The following ADNP variants were observed in gnomAD, a reference collection of about 807,000 sequenced individuals.
ADNP encodes activity dependent neuroprotector homeobox, also known as activity-dependent neuroprotector homeobox protein.
A neutral mutation model predicts 84.9 loss-of-function variants in ADNP; 4 were observed. The observed-to-expected ratio is 0.05, with a 90% CI of 0.02 to 0.11. The LOEUF is 0.11. Ranked by LOEUF, ADNP falls within the 10% of genes least tolerant of loss-of-function variation. The probability of loss-of-function intolerance (pLI) is 1.00; values close to 1 mark genes in which losing one functional copy is unlikely to be tolerated. For synonymous variants in ADNP, 554 were observed against 468.1 expected (o/e 1.18, Z -2.37); for missense variants, 1,132 against 1,326.0 (o/e 0.85, Z 2.27).
chr20:50,898,470 C>T (rs960626355), intron 5 of ADNP, among the ~76,000 whole-genome samples: 1 of 152,200 alleles, frequency 6.6e-6, no homozygotes, highest in Non-Finnish European at 1.5e-5. Context: ...GATAAAGGCC[C>T]TTCTTGAATT....
intron 2 of ADNP, among the ~76,000 whole-genome samples, chr20:50,927,433 C>G (rs1285867273): frequency 6.6e-6 from 1 of 152,200 alleles, no homozygotes; most frequent in African/African-American, 2.4e-5. Flanking sequence ...AAAGGAATTT[C>G]TACTTAAAGT....
chr20:50,891,752 T>C lies in ADNP; in HGVS notation c.2962A>G (p.Thr988Ala). ...CAGGTTCCTGGTTTCATTTCGCAGG[T>C]ATTGTCCTCAAAGTCTGACACTTGT... is the stretch of plus-strand genomic sequence containing the variant. The part of the protein sequence containing the change: ...SQQVSDFEDN[T>A]CEMKPGTWSD... Residue 988 changes from threonine (T) to alanine (A), a missense_variant, in exon 6 of 6, where the codon ACC becomes GCC. Thr to Ala is a moderately conservative substitution (Grantham distance 58). This residue lies in a region of ADNP where 381 missense variants were observed against 319.9 expected (regional missense o/e 1.19). Transcript: ENST00000621696. The C allele has an allele frequency of 6.2e-7, 1 of 1,614,192 alleles. No homozygotes were observed. The highest frequency in any genetic ancestry group is 8.5e-7 in the Non-Finnish European group (1 of 1,180,036).
chr20:50,908,365 T>C (rs1982700709), intron 2 of ADNP, among the ~76,000 whole-genome samples: 1 of 152,150 alleles, frequency 6.6e-6, no homozygotes, highest in Non-Finnish European at 1.5e-5. Flanking sequence ...CCAAACTCTA[T>C]CAGTCAATCA....
intron 5 of ADNP, among the ~76,000 whole-genome samples, chr20:50,899,656 G>A (rs971899603): frequency 2.6e-5 from 4 of 151,944 alleles, no homozygotes; most frequent in African/African-American, 4.8e-5. Flanking sequence ...GGCTCCATGC[G>A]TGTTACTGCT....
intron 2 of ADNP, among the ~76,000 whole-genome samples, chr20:50,919,289 G>A (rs202227760): frequency 0.013 from 820 of 64,520 alleles, 26 homozygotes; most frequent in East Asian, 0.034. Flanking sequence ...ATATATTTAA[G>A]TGTATATATA....
intron 2 of ADNP, among the ~76,000 whole-genome samples, chr20:50,919,662 A>G (rs1382416440): frequency 6.6e-6 from 1 of 152,174 alleles, no homozygotes; most frequent in Non-Finnish European, 1.5e-5. Flanking sequence ...GTTCATTCTC[A>G]GCAGGGAGGG....
intron 2 of ADNP, among the ~76,000 whole-genome samples, chr20:50,924,115 A>G (rs1177962514): frequency 6.6e-6 from 1 of 152,222 alleles, no homozygotes; most frequent in African/African-American, 2.4e-5. Flanking sequence ...AGCATGAAGG[A>G]TTCAGAAAAA....
At chr20:50,924,388 T>G (rs16995626) in intron 2 of ADNP, among the ~76,000 whole-genome samples, 1 of 152,136 alleles carries the variant, frequency 6.6e-6, no homozygotes, top group Non-Finnish European at 1.5e-5. Flanking sequence ...TAAGCTCACA[T>G]GGAAGCATAA....
chr20:50,928,200 C>T (rs1984413164), intron 2 of ADNP, among the ~76,000 whole-genome samples: 1 of 152,166 alleles, frequency 6.6e-6, no homozygotes, highest in African/African-American at 2.4e-5. Context: ...CCATTCAGTT[C>T]TCCATAAACT....
At chr20:50,930,349 GC>G (rs889380404) in intron 1 of ADNP, among the ~76,000 whole-genome samples, 35 of 148,710 alleles carry the variant, frequency 2.4e-4, no homozygotes, top group African/African-American at 6.4e-4. Flanking sequence ...CATGCTCCCC[GC>G]CCCCCCCAAC....
intron 2 of ADNP, among the ~76,000 whole-genome samples, chr20:50,923,989 C>T (rs779468138): frequency 2.0e-5 from 3 of 152,148 alleles, no homozygotes; most frequent in African/African-American, 4.8e-5. Flanking sequence ...TTCCACTAGA[C>T]AGGAGTTTCT....
Position 50,893,863 on chromosome 20 carries a change from G to A in ADNP, c.851C>T (p.Pro284Leu), listed in dbSNP as rs1298845015. Residue 284 changes from proline to leucine, a missense_variant, in exon 6 of 6, where the codon CCA (proline) becomes CTA (leucine). Physicochemically the swap from Pro to Leu is moderately conservative, Grantham distance 98. Around this residue, in one of 10 missense-constraint regions of ADNP, gnomAD observed 239 missense variants for 213.2 expected, o/e 1.12. Coordinates refer to ENST00000621696, the MANE Select transcript of ADNP (RefSeq NM_001282531.3). This position sits in a 1 kb window ranked among gnomAD's most constrained non-coding sequence, Gnocchi z 4.4. ...AGAAGCAAGGGAACCGATCCTTGGTGGGAGTCCCATGCTCTTCTTGTCTTG... is the reference window on the plus strand; with the variant it reads ...AGAAGCAAGGGAACCGATCCTTGGTAGGAGTCCCATGCTCTTCTTGTCTTG... ...KPQDKKSMGL[P>L]PRIGSLASGN... 6.2e-7 allele frequency: 1 copy of A among 1,614,082 alleles called. No homozygotes were observed. Among genetic ancestry groups the A allele is most frequent in the Non-Finnish European group, 8.5e-7 (1 of 1,180,048 alleles).
At chr20:50,924,961 T>TC (rs1984189572) in intron 2 of ADNP, among the ~76,000 whole-genome samples, 1 of 152,212 alleles carries the variant, frequency 6.6e-6, no homozygotes, top group African/African-American at 2.4e-5. Context: ...GTCTATGCTT[T>TC]CCTCTTATTT....
chr20:50,909,836 G>A (rs994865229), intron 2 of ADNP: 4 of 152,184 alleles, frequency 2.6e-5, no homozygotes, highest in African/African-American at 7.2e-5. Flanking sequence ...CATGTCCCCC[G>A]AACAGGGATG....
chr20:50,894,411 A>G lies in ADNP; in HGVS notation c.303T>C (p.Phe101=), dbSNP rs779703477. 2 of 1,614,174 alleles carry G rather than the reference A, an allele frequency of 1.2e-6. No individual in the cohort carries two copies. The highest frequency in any genetic ancestry group is 1.7e-6 in the Non-Finnish European group (2 of 1,180,028). The change falls in exon 6 of 6, where the codon TTT becomes TTC. Residue 101 remains phenylalanine (F), a synonymous_variant. Coordinates refer to ENST00000621696, the MANE Select transcript of ADNP (RefSeq NM_001282531.3). ...GGCAATTAAGGAGAATCCTATTTTC[A>G]AAGTCTTCACTATGGACATTGCGGA... ...SHFRNVHSED[F]ENRILLNCPY... is the part of the protein sequence containing the mutation.
At chr20:50,910,241 G>A (rs145660660) in intron 2 of ADNP, among the ~76,000 whole-genome samples, 2 of 152,298 alleles carry the variant, frequency 1.3e-5, no homozygotes, top group Non-Finnish European at 2.9e-5. Flanking sequence ...AACACTATAT[G>A]AGAAGAGTTA....
chr20:50,908,036 C>A (rs1982659465), intron 2 of ADNP, among the ~76,000 whole-genome samples: 1 of 152,164 alleles, frequency 6.6e-6, no homozygotes, highest in African/African-American at 2.4e-5. Flanking sequence ...ACAAAGTGTG[C>A]CCTCCATGCA....
In ADNP at chr20:50,892,248, C is replaced by T. The variant is rs142832192; in HGVS notation, c.2466G>A (p.Val822=). The T allele has an allele frequency of 3.7e-6, 6 of 1,614,084 alleles. No homozygotes were observed. Among genetic ancestry groups the T allele is most frequent in the African/African-American group, 2.7e-5 (2 of 74,924 alleles). The change falls in exon 6 of 6, where the codon GTG becomes GTA. Residue 822 remains valine (V), a synonymous_variant. Transcript: ENST00000621696. ...ATTCTTTCATGTTAAACCCCAGCAA[C>T]ACGCCAGGCTTGTACTTTTCACAAT... ...VRDCEKYKPG[V]LLGFNMKELN... is the part of the protein sequence containing the mutation.
At chr20:50,903,462 C>G (rs1206349236) in intron 4 of ADNP, among the ~76,000 whole-genome samples, 2 of 152,170 alleles carry the variant, frequency 1.3e-5, no homozygotes. Context: ...GAAGGTCAAC[C>G]AGAACATTCA....
Sources: gnomAD v4.1 joint callset for allele counts (sites outside exome capture counted in the v4.1 genomes callset) on GRCh38, gnomAD v4.1.1 for gene constraint, gnomAD v4.1.1 regional missense constraint, Gnocchi (gnomAD v3.1) non-coding constraint, MANE v1.5 for transcripts, NCBI Gene and HGNC (gene_info 2026-07-23, HGNC 2026-07-21) for gene names.